Variants in NDST4 observed in about 807,000 individuals in gnomAD.
NDST4 encodes the protein N-deacetylase and N-sulfotransferase 4, also known as N-heparan sulfate sulfotransferase 4.
A neutral mutation model predicts 100.8 loss-of-function variants in NDST4; 63 were observed. That is an observed-to-expected ratio of 0.62 (90% CI 0.51 to 0.77). The LOEUF is 0.77. NDST4 is among the 30% of genes least tolerant of loss of function. The pLI is 0.00. For synonymous variants in NDST4, 377 were observed against 361.8 expected (o/e 1.04, Z -0.48); for missense variants, 943 against 1,018.4 (o/e 0.93, Z 1.01).
intron 2 of NDST4, 77 bp from the exon 3 acceptor site, chr4:114,977,351 A>G: frequency 4.5e-6 from 4 of 882,072 alleles, no homozygotes; most frequent in East Asian, 5.1e-5. Context: ...GCAAATGTGT[A>G]TGCATGAGTA....
intron 3 of NDST4, among the ~76,000 whole-genome samples, chr4:114,973,297 T>A (rs1726555476): frequency 6.6e-6 from 1 of 151,912 alleles, no homozygotes; most frequent in South Asian, 2.1e-4. Context: ...ACTTAAAGTA[T>A]ATGTGGAAAT....
intron 2 of NDST4, among the ~76,000 whole-genome samples, chr4:115,059,334 C>T (rs1473873909): frequency 6.6e-6 from 1 of 151,992 alleles, no homozygotes; most frequent in Non-Finnish European, 1.5e-5. Context: ...TACAGAACCC[C>T]ATCTCCATAT....
intron 4 of NDST4, among the ~76,000 whole-genome samples, chr4:114,950,692 GCTCTTT>G (rs1454679940): frequency 2.0e-5 from 3 of 151,998 alleles, no homozygotes; most frequent in Non-Finnish European, 4.4e-5. Flanking sequence ...ATAGTCTTGT[GCTCTTT>G]CTGCTACTGC....
At chr4:115,038,025 C>G (rs1159321291) in intron 2 of NDST4, among the ~76,000 whole-genome samples, 2 of 152,120 alleles carry the variant, frequency 1.3e-5, no homozygotes, top group East Asian at 3.9e-4. Flanking sequence ...AAATAGAATT[C>G]AGAATATCCT....
intron 3 of NDST4, among the ~76,000 whole-genome samples, chr4:114,972,829 T>C (rs1476235113): frequency 6.6e-6 from 1 of 152,014 alleles, no homozygotes; most frequent in Non-Finnish European, 1.5e-5. Flanking sequence ...AGGAGGTCAA[T>C]TACTCAATTT....
At chr4:114,980,996 T>G (rs1726756893) in intron 2 of NDST4, among the ~76,000 whole-genome samples, 1 of 151,786 alleles carries the variant, frequency 6.6e-6, no homozygotes, top group South Asian at 2.1e-4. Flanking sequence ...GAGGATTGCT[T>G]GAGCTTAAGA....
At chr4:114,867,141 A>G (rs1288824970) in intron 7 of NDST4, among the ~76,000 whole-genome samples, 1 of 152,138 alleles carries the variant, frequency 6.6e-6, no homozygotes, top group Non-Finnish European at 1.5e-5. Flanking sequence ...GAATAGGTTG[A>G]GCTAGATGTC....
At chr4:114,942,274 G>A (rs1725766899) in intron 4 of NDST4, among the ~76,000 whole-genome samples, 1 of 152,092 alleles carries the variant, frequency 6.6e-6, no homozygotes, top group South Asian at 2.1e-4. Flanking sequence ...GGATGCCCTG[G>A]GTATAAGATA....
intron 3 of NDST4, among the ~76,000 whole-genome samples, chr4:114,976,235 A>T (rs1350915330): frequency 6.6e-6 from 1 of 152,104 alleles, no homozygotes; most frequent in Admixed American, 6.6e-5. Flanking sequence ...GCATACATGG[A>T]TACAGAATAA....
At chr4:114,900,882 T>C (rs1412700893) in intron 6 of NDST4, among the ~76,000 whole-genome samples, 1 of 152,168 alleles carries the variant, frequency 6.6e-6, no homozygotes, top group Non-Finnish European at 1.5e-5. Context: ...AAATTTTTCT[T>C]GAAATTTCTT....
intron 10 of NDST4, among the ~76,000 whole-genome samples, chr4:114,844,652 T>C (rs936550863): frequency 6.6e-6 from 1 of 152,124 alleles, no homozygotes; most frequent in Non-Finnish European, 1.5e-5. Flanking sequence ...TACATATCAC[T>C]ATGATTATTT....
At chr4:114,967,659 C>A (rs1342524199) in intron 4 of NDST4, among the ~76,000 whole-genome samples, 1 of 151,960 alleles carries the variant, frequency 6.6e-6, no homozygotes, top group African/African-American at 2.4e-5. Context: ...CATGCTTACT[C>A]AAGGTAAGTT....
intron 1 of NDST4, among the ~76,000 whole-genome samples, chr4:115,091,338 C>T (rs1462655325): frequency 6.6e-6 from 1 of 151,964 alleles, no homozygotes; most frequent in African/African-American, 2.4e-5. Flanking sequence ...ATATTTGAAT[C>T]TGCTCAAAGG....
At chr4:114,889,969 C>A (rs1182616844) in intron 6 of NDST4, among the ~76,000 whole-genome samples, 4 of 152,098 alleles carry the variant, frequency 2.6e-5, no homozygotes, top group Non-Finnish European at 5.9e-5. Flanking sequence ...CACGAAGGGA[C>A]AAAGTTGGGC....
intron 6 of NDST4, among the ~76,000 whole-genome samples, chr4:114,913,996 A>G (rs1273562809): frequency 6.6e-6 from 1 of 152,120 alleles, no homozygotes; most frequent in Non-Finnish European, 1.5e-5. Flanking sequence ...GTACTATTCA[A>G]CCATAAAAAT....
At chr4:115,012,155 T>C (rs766259423) in intron 2 of NDST4, among the ~76,000 whole-genome samples, 3 of 151,922 alleles carry the variant, frequency 2.0e-5, no homozygotes, top group South Asian at 2.1e-4. Flanking sequence ...CAACAATTGA[T>C]TCCAAGAATC....
At chr4:115,005,264 A>G (rs1004433022) in intron 2 of NDST4, among the ~76,000 whole-genome samples, 1 of 152,164 alleles carries the variant, frequency 6.6e-6, no homozygotes. Context: ...GAGACAGTCT[A>G]TAGACCTAAT....
chr4:114,888,156 T>C (rs1412414232), intron 6 of NDST4, among the ~76,000 whole-genome samples: 1 of 152,040 alleles, frequency 6.6e-6, no homozygotes, highest in Non-Finnish European at 1.5e-5. Flanking sequence ...TGAGCCGAGA[T>C]GGTGCCACTG....
chr4:114,974,722 T>C lies in NDST4; in HGVS notation c.1066+2465A>G, dbSNP rs529515280. On this transcript the variant is annotated intron_variant, in intron 3 of 13. Transcript: ENST00000264363. ...TTTCAGTTTGGCACCTGTGGGTGAA[T>C]GACTTTAGGAAAAGCTTAGTGGTAT... Among the ~76,000 whole-genome samples, 4 of 152,242 alleles carry C rather than the reference T, an allele frequency of 2.6e-5. No homozygotes were observed. The South Asian group carries it at 6.2e-4, about 24-fold the overall frequency.
Sources: gnomAD v4.1 joint callset for allele counts (sites outside exome capture counted in the v4.1 genomes callset) on GRCh38, gnomAD v4.1.1 for gene constraint, MANE v1.5 for transcripts, NCBI Gene and HGNC (gene_info 2026-07-23, HGNC 2026-07-21) for gene names.